ABLIM3: variants seen among roughly 807,000 people sequenced by gnomAD.
ABLIM3 encodes actin-binding LIM protein 3.
A neutral mutation model predicts 109.5 loss-of-function variants in ABLIM3; 61 were observed. The ratio of observed to expected loss-of-function variants is 0.56; its 90% CI spans 0.45 to 0.69. The LOEUF is 0.69. Ranked by LOEUF, ABLIM3 falls within the 30% of genes least tolerant of loss-of-function variation. The pLI, the probability that ABLIM3 is intolerant of heterozygous loss-of-function variation, is 0.00. For synonymous variants in ABLIM3, 300 were observed against 324.8 expected, an observed-to-expected ratio of 0.92 and a Z score of 0.82; for missense variants, 796 against 889.5, an observed-to-expected ratio of 0.89 and a Z score of 1.34.
intron 2 of ABLIM3, among the ~76,000 whole-genome samples, chr5:149,178,602 T>C: frequency 6.6e-6 from 1 of 152,116 alleles, no homozygotes; most frequent in East Asian, 1.9e-4. Flanking sequence ...ATCTACAAGG[T>C]CAAGCGACTC....
chr5:149,142,690 C>T (rs1486372643), intron 2 of ABLIM3, among the ~76,000 whole-genome samples: 1 of 152,198 alleles, frequency 6.6e-6, no homozygotes, highest in Non-Finnish European at 1.5e-5. Flanking sequence ...GTTAGCTATC[C>T]TTGAGAACAA....
chr5:149,148,532 T>G (rs1434636381), intron 2 of ABLIM3, among the ~76,000 whole-genome samples: 1 of 152,228 alleles, frequency 6.6e-6, no homozygotes, highest in Non-Finnish European at 1.5e-5. Context: ...GATCTCTCAT[T>G]TGTCTCCTGA....
intron 7 of ABLIM3, among the ~76,000 whole-genome samples, chr5:149,216,308 GA>G (rs1760078326): frequency 6.6e-6 from 1 of 152,162 alleles, no homozygotes; most frequent in South Asian, 2.1e-4. Flanking sequence ...GACATAACAG[GA>G]AAGCAGTATC....
rs185592072 is a variant in ABLIM3 at position 149,142,381 on chromosome 5, C to T, written c.13+273C>T. Among the ~76,000 whole-genome samples the T allele has an allele frequency of 1.5e-4, 23 of 152,304 alleles. No homozygotes were observed. In the East Asian group the frequency reaches 3.5e-3, roughly 23 times the overall value. On this transcript the variant is annotated intron_variant, in intron 2 of 23. Coordinates refer to ENST00000309868, the MANE Select transcript of ABLIM3 (RefSeq NM_014945.5). ...CTCCTTCTAGCACTGCCTGGGAAGG[C>T]CTAGGAAGCAGTGTGTGGCCATTGT...
At chr5:149,175,806 T>C (rs943506329) in intron 2 of ABLIM3, among the ~76,000 whole-genome samples, 2 of 152,192 alleles carry the variant, frequency 1.3e-5, no homozygotes, top group Non-Finnish European at 2.9e-5. Flanking sequence ...GTAGCTGCCA[T>C]GTGGCAGCTG....
Position 149,252,753 on chromosome 5 carries a change from T to G in ABLIM3, c.1858-4T>G, listed in dbSNP as rs541645494. 3 of 1,611,982 alleles carry G rather than the reference T, an allele frequency of 1.9e-6. No individual in the cohort carries two copies. The highest frequency in any genetic ancestry group is 1.7e-5 in the Admixed American group (1 of 59,892). On this transcript the variant is annotated splice_region_variant and splice_polypyrimidine_tract_variant and intron_variant, in intron 22 of 23. Coordinates refer to ENST00000309868, the MANE Select transcript of ABLIM3 (RefSeq NM_014945.5). The stretch of plus-strand genomic sequence containing the variant: ...AGCTGGAGACCACCCCCCTTTCTCC[T>G]TAGATCTACCCTTATGAACTGCTGC...
At chr5:149,147,465 A>G (rs548051007) in intron 2 of ABLIM3, among the ~76,000 whole-genome samples, 42 of 152,176 alleles carry the variant, frequency 2.8e-4, no homozygotes, top group Non-Finnish European at 4.7e-4. Flanking sequence ...TTGATTTGGT[A>G]GTATTCTGTT....
At chr5:149,230,322 G>T (rs1761720177) in intron 8 of ABLIM3, among the ~76,000 whole-genome samples, 1 of 152,178 alleles carries the variant, frequency 6.6e-6, no homozygotes, top group Non-Finnish European at 1.5e-5. Context: ...GTGCCTTAAG[G>T]CTGTATGTGT....
Position 149,252,908 on chromosome 5 carries a change from CT to C in ABLIM3, c.1938+72del, listed in dbSNP as rs1754073961. ...TCAGAAGTTGCTTGGTATAATCCAG[CT>C]CAAGAGGGCTGGGTGGAATGAGTGG... On this transcript the variant is annotated intron_variant, in intron 23 of 23. Transcript: ENST00000309868. 1.9e-5 allele frequency: 23 copies of C among 1,188,326 alleles called. No individual in the cohort carries two copies. The South Asian group carries it at 2.7e-4, about 14-fold the overall frequency. The allele number at this position is 1,188,326 out of a possible 1,614,324, so 73.6% of individuals were successfully genotyped here.
intron 8 of ABLIM3, among the ~76,000 whole-genome samples, chr5:149,229,308 C>T (rs1287246038): frequency 1.3e-5 from 2 of 152,110 alleles, no homozygotes; most frequent in Admixed American, 6.5e-5. Context: ...CCAAGTATGT[C>T]GGCAGACAAA....
intron 2 of ABLIM3, among the ~76,000 whole-genome samples, chr5:149,153,874 G>C (rs1446653252): frequency 6.6e-6 from 1 of 152,184 alleles, no homozygotes; most frequent in African/African-American, 2.4e-5. Context: ...CCGCCCTGCT[G>C]TTCCCAGGGG....
chr5:149,200,228 T>A (rs1348856319), intron 4 of ABLIM3, 88 bp from the exon 5 acceptor site: 4 of 1,136,422 alleles, frequency 3.5e-6, no homozygotes, highest in Non-Finnish European at 5.3e-6. Context: ...GCTGTATGTG[T>A]TACCAAAGTG....
chr5:149,178,032 G>A (rs1223065680), intron 2 of ABLIM3, among the ~76,000 whole-genome samples: 3 of 152,042 alleles, frequency 2.0e-5, no homozygotes, highest in Non-Finnish European at 4.4e-5. Context: ...TTCCTTACCC[G>A]CTGTGTCGTG....
intron 5 of ABLIM3, 50 bp downstream of exon 5, chr5:149,200,478 G>A: frequency 6.3e-7 from 1 of 1,582,482 alleles, no homozygotes; most frequent in Non-Finnish European, 8.7e-7. Context: ...GATCTCTCTG[G>A]GCTCCCCTTT....
intron 7 of ABLIM3, 149 bp from the exon 8 acceptor site, chr5:149,216,810 T>G: frequency 3.1e-6 from 2 of 653,420 alleles, no homozygotes; most frequent in Non-Finnish European, 5.4e-6. Context: ...TTTTAGATGG[T>G]TGTGGACTCC....
At chr5:149,205,357 T>C (rs1390444202) in intron 5 of ABLIM3, among the ~76,000 whole-genome samples, 1 of 152,172 alleles carries the variant, frequency 6.6e-6, no homozygotes, top group Non-Finnish European at 1.5e-5. Context: ...TCGAGAATGC[T>C]GTAGGTTACT....
At position 149,246,473 on chromosome 5, in the gene ABLIM3, T is replaced by C; in HGVS notation, c.1487-9T>C. On this transcript the variant is annotated splice_polypyrimidine_tract_variant and intron_variant, in intron 16 of 23. Transcript: ENST00000309868. ...CATGCCGGAGCTGATCTTTTCTGTC[T>C]TTTGACAGTGCCCCGAGCCAGAAGG... 1 of 1,614,090 alleles carries C rather than the reference T, an allele frequency of 6.2e-7. No homozygotes were observed. Among genetic ancestry groups the C allele is most frequent in the East Asian group, 2.2e-5 (1 of 44,878 alleles).
intron 8 of ABLIM3, among the ~76,000 whole-genome samples, chr5:149,225,224 G>T (rs1297731016): frequency 9.0e-6 from 1 of 110,790 alleles, no homozygotes; most frequent in Non-Finnish European, 2.3e-5. Flanking sequence ...CATTCACAAT[G>T]TTGTACAACC....
intron 2 of ABLIM3, among the ~76,000 whole-genome samples, chr5:149,162,268 A>G (rs190659550): frequency 2.0e-5 from 3 of 152,352 alleles, no homozygotes; most frequent in East Asian, 3.9e-4. Flanking sequence ...CGACACAGAA[A>G]TTGAGCACAA....
Sources: gnomAD v4.1 joint callset for allele counts (sites outside exome capture counted in the v4.1 genomes callset) on GRCh38, gnomAD v4.1.1 for gene constraint, MANE v1.5 for transcripts, NCBI Gene and HGNC (gene_info 2026-07-23, HGNC 2026-07-21) for gene names.